Variants in LYRM4 observed in about 807,000 individuals in gnomAD.
LYRM4 encodes the protein LYR motif containing 4.
A neutral mutation model predicts 11.7 loss-of-function variants in LYRM4; 9 were observed. That is an observed-to-expected ratio of 0.77 (90% CI 0.46 to 1.34). The LOEUF is 1.34. LYRM4 is among the 40% of genes most tolerant of loss of function. The pLI, the probability that LYRM4 is intolerant of heterozygous loss-of-function variation, is 0.00. For synonymous variants in LYRM4, 42 were observed against 40.4 expected (o/e 1.04, Z -0.15); for missense variants, 133 against 112.5 (o/e 1.18, Z -0.82).
chr6:5,064,399 T>C, the LYRM4 span, among the ~76,000 whole-genome samples: 7 of 152,304 alleles, frequency 4.6e-5, no homozygotes, highest in African/African-American at 1.7e-4. Flanking sequence ...GTTTTAGGTT[T>C]ACAGAGAAAT....
At chr6:5,080,690 T>C in the LYRM4 span, among the ~76,000 whole-genome samples, 1 of 152,228 alleles carries the variant, frequency 6.6e-6, no homozygotes, top group Non-Finnish European at 1.5e-5. Flanking sequence ...TATGACTTCC[T>C]TGAGGGGTTT....
At chr6:5,136,712 G>C (rs1402173079) in intron 2 of LYRM4, 1 of 985,280 alleles carries the variant, frequency 1.0e-6, no homozygotes, top group East Asian at 1.1e-4. Context: ...CTGTGGTAAT[G>C]ACATGCTAAA....
At chr6:5,118,096 T>TATATATATATTTTTTTTTTG (rs1554126841) in intron 2 of LYRM4, among the ~76,000 whole-genome samples, 5 of 78,698 alleles carry the variant, frequency 6.4e-5, no homozygotes, top group Admixed American at 1.2e-4. Context: ...ATATATATAT[T>TATATATATATTTTTTTTTTG]TTTGTTTTGT....
chr6:5,171,962 A>T (rs1759454888), intron 2 of LYRM4, among the ~76,000 whole-genome samples: 1 of 152,226 alleles, frequency 6.6e-6, no homozygotes, highest in African/African-American at 2.4e-5. Context: ...AAGAGAGTCC[A>T]TAAACATAAC....
At chr6:5,059,860 G>T in the LYRM4 span, among the ~76,000 whole-genome samples, 1 of 151,676 alleles carries the variant, frequency 6.6e-6, no homozygotes, top group East Asian at 1.9e-4. Flanking sequence ...GAGTAGAGTG[G>T]TGTAAGCATA....
intron 2 of LYRM4, among the ~76,000 whole-genome samples, chr6:5,148,498 C>T (rs187948705): frequency 9.2e-4 from 136 of 148,054 alleles, no homozygotes; most frequent in East Asian, 1.7e-3. Context: ...AACTCTGTAT[C>T]GTAATCCTGA....
intron 2 of LYRM4, among the ~76,000 whole-genome samples, chr6:5,165,281 CA>C (rs1759013024): frequency 6.6e-6 from 1 of 152,118 alleles, no homozygotes; most frequent in South Asian, 2.1e-4. Context: ...AGCGTGGACA[CA>C]AGTGTATATC....
rs1054475093 is a variant in LYRM4 at position 5,260,372 on chromosome 6, C to T, written c.86+276G>A. Among the ~76,000 whole-genome samples, 7 of 152,362 alleles carry T rather than the reference C, an allele frequency of 4.6e-5. No individual in the cohort carries two copies. In the South Asian group the frequency reaches 6.2e-4, roughly 14 times the overall value. ...TCTTCTGCAGAAACATAACACTAAT[C>T]ATGCTCCTAGAATAACTACCAAGAT... On this transcript the variant is annotated intron_variant, in intron 1 of 2. Transcript: ENST00000330636.
chr6:5,089,810 A>G, the LYRM4 span, among the ~76,000 whole-genome samples: 1 of 152,242 alleles, frequency 6.6e-6, no homozygotes, highest in Non-Finnish European at 1.5e-5. Flanking sequence ...TAGCCTTTCC[A>G]AAGCATTAGC....
chr6:5,190,615 T>C (rs898496874), intron 2 of LYRM4, among the ~76,000 whole-genome samples: 1 of 152,058 alleles, frequency 6.6e-6, no homozygotes, highest in South Asian at 2.1e-4. Context: ...AGATCCCATA[T>C]ATGACAGCAG....
At chr6:5,120,427 G>A (rs1763385819) in intron 2 of LYRM4, among the ~76,000 whole-genome samples, 1 of 152,188 alleles carries the variant, frequency 6.6e-6, no homozygotes, top group Non-Finnish European at 1.5e-5. Context: ...TCTGACTTCA[G>A]GAATGAAGCC....
At chr6:5,071,965 C>A in the LYRM4 span, among the ~76,000 whole-genome samples, 2 of 152,212 alleles carry the variant, frequency 1.3e-5, no homozygotes, top group East Asian at 3.9e-4. Flanking sequence ...TCTTCCTGAT[C>A]CTCTCCCTCT....
At chr6:5,193,469 A>G (rs553120330) in intron 2 of LYRM4, among the ~76,000 whole-genome samples, 2 of 152,280 alleles carry the variant, frequency 1.3e-5, no homozygotes, top group South Asian at 4.1e-4. Context: ...GCAGTGAAGG[A>G]TGGCCAGAAA....
chr6:5,081,928 G>C, the LYRM4 span, among the ~76,000 whole-genome samples: 2 of 152,166 alleles, frequency 1.3e-5, no homozygotes, highest in Admixed American at 1.3e-4. Context: ...GACTGAGCAA[G>C]GCTGGTGGGG....
the LYRM4 span, chr6:5,043,263 T>A: frequency 6.6e-6 from 1 of 151,226 alleles, no homozygotes; most frequent in Admixed American, 6.6e-5. Flanking sequence ...ATATATATAT[T>A]TCTCATACTT....
intron 2 of LYRM4, among the ~76,000 whole-genome samples, chr6:5,214,248 CA>C (rs11307742): frequency 0.18 from 26,943 of 152,188 alleles, 2,933 homozygotes; most frequent in Middle Eastern, 0.29. Flanking sequence ...AGTGTGGTCC[CA>C]GGGGGGCCCC....
chr6:5,038,389 C>T, the LYRM4 span, among the ~76,000 whole-genome samples: 1 of 66,244 alleles, frequency 1.5e-5, no homozygotes, highest in Non-Finnish European at 3.6e-5. Context: ...AGAGACGCTC[C>T]TCACCTTCCA....
chr6:5,193,907 A>G (rs1412004636), intron 2 of LYRM4, among the ~76,000 whole-genome samples: 3 of 152,172 alleles, frequency 2.0e-5, no homozygotes, highest in Admixed American at 6.5e-5. Context: ...AAATTTTAAT[A>G]AAACGGATGA....
intron 1 of LYRM4, among the ~76,000 whole-genome samples, chr6:5,253,208 T>A (rs1463654462): frequency 6.6e-6 from 1 of 152,252 alleles, no homozygotes; most frequent in Non-Finnish European, 1.5e-5. Context: ...CATTTGGGCA[T>A]CACTTTAGCC....
Sources: allele counts gnomAD v4.1 joint callset (sites outside exome capture counted in the v4.1 genomes callset), GRCh38; gene constraint gnomAD v4.1.1; transcripts MANE v1.5; gene names NCBI Gene and HGNC (gene_info 2026-07-23, HGNC 2026-07-21).